CAST: variants seen among roughly 807,000 people sequenced by gnomAD.
CAST encodes calpastatin, also known as MIR583 host.
In CAST, 76 loss-of-function variants were observed where a neutral mutation model predicts 119.6. That is an observed-to-expected ratio of 0.64 (90% confidence interval 0.53 to 0.77). The LOEUF (loss-of-function observed/expected upper bound fraction) is 0.77, where lower values mean the gene tolerates loss of function less well. Among genes scored for constraint, CAST ranks in the 30% least tolerant of loss-of-function variants. The pLI is 0.00. For synonymous variants in CAST, 319 were observed against 331.6 expected (o/e 0.96, Z 0.41); for missense variants, 953 against 946.5 (o/e 1.01, Z -0.09).
the CAST span, among the ~76,000 whole-genome samples, chr5:96,380,519 C>T: frequency 6.6e-6 from 1 of 151,974 alleles, no homozygotes; most frequent in Non-Finnish European, 1.5e-5. Flanking sequence ...AAGAAAAAGA[C>T]TTATGGAAAA....
chr5:96,662,272 T>A (rs1748613285), upstream of CAST: 2 of 963,828 alleles, frequency 2.1e-6, no homozygotes. Context: ...GGCGCAGACC[T>A]GGGGTGGGGT....
the CAST span, among the ~76,000 whole-genome samples, chr5:96,232,850 C>T: frequency 1.2e-4 from 18 of 151,954 alleles, 1 homozygote; most frequent in Non-Finnish European, 2.7e-4. Context: ...TTAATTTACT[C>T]CAAATTTGTC....
the CAST span, among the ~76,000 whole-genome samples, chr5:96,453,075 A>G: frequency 6.6e-6 from 1 of 152,288 alleles, no homozygotes; most frequent in Admixed American, 6.5e-5. Context: ...TTAAAAAGAA[A>G]AAAAAAATCT....
rs933200962 is a variant in CAST, at chr5:96,664,682, A to G, written c.75+2185A>G. Among the ~76,000 whole-genome samples, 9 of 152,270 alleles carry G rather than the reference A, an allele frequency of 5.9e-5. 1 individual carries two copies. The highest frequency in any genetic ancestry group is 2.1e-4 in the South Asian group (1 of 4,838). On this transcript the variant is annotated intron_variant, in intron 1 of 31. Coordinates refer to ENST00000675179, the MANE Select transcript of CAST (RefSeq NM_001750.7). ...GTAAAATAGAAATTATATGCACTAC[A>G]TAAGTATTGGTGAGGACTAATTAGA...
intron 9 of CAST, 88 bp downstream of exon 9, chr5:96,730,948 C>G (rs151904): frequency 9.8e-7 from 1 of 1,017,130 alleles, no homozygotes; most frequent in East Asian, 2.4e-5. Flanking sequence ...AACCTATCAT[C>G]TGGCAAAACT....
At chr5:96,711,206 A>G (rs1438383151) in intron 3 of CAST, among the ~76,000 whole-genome samples, 1 of 152,334 alleles carries the variant, frequency 6.6e-6, no homozygotes, top group Non-Finnish European at 1.5e-5. Flanking sequence ...GTAGTAAACC[A>G]TATTTTCTCA....
At chr5:96,029,037 G>T in the CAST span, among the ~76,000 whole-genome samples, 1 of 152,112 alleles carries the variant, frequency 6.6e-6, no homozygotes, top group Non-Finnish European at 1.5e-5. Context: ...CTGATTTGAT[G>T]ACATTCTTTG....
At chr5:96,511,157 A>AT in the CAST span, among the ~76,000 whole-genome samples, 1 of 152,142 alleles carries the variant, frequency 6.6e-6, no homozygotes, top group East Asian at 1.9e-4. Flanking sequence ...TTCTTTATTT[A>AT]TTTTTTTAGA....
At chr5:96,538,169 C>T (rs1745851829) in intron 1 of CAST, among the ~76,000 whole-genome samples, 1 of 152,180 alleles carries the variant, frequency 6.6e-6, no homozygotes, top group South Asian at 2.1e-4. Flanking sequence ...TCAAGCCTTC[C>T]CGCGAGTAGC....
At chr5:96,266,487 G>A in the CAST span, among the ~76,000 whole-genome samples, 1 of 152,178 alleles carries the variant, frequency 6.6e-6, no homozygotes, top group African/African-American at 2.4e-5. Flanking sequence ...CTGGACCAAA[G>A]GAGACACCAA....
chr5:96,519,578 G>T, the CAST span, among the ~76,000 whole-genome samples: 2 of 152,156 alleles, frequency 1.3e-5, no homozygotes, highest in African/African-American at 4.8e-5. Flanking sequence ...TTCATGGCAT[G>T]ATTTTTAATA....
At chr5:96,060,889 CA>C in the CAST span, among the ~76,000 whole-genome samples, 6 of 152,104 alleles carry the variant, frequency 3.9e-5, no homozygotes, top group Non-Finnish European at 2.9e-5. Flanking sequence ...CAAGGTCTAG[CA>C]GGGTGGATTT....
chr5:96,607,537 A>G (rs1211417044), intron 1 of CAST, among the ~76,000 whole-genome samples: 1 of 152,224 alleles, frequency 6.6e-6, no homozygotes, highest in African/African-American at 2.4e-5. Context: ...GCTCCAAGAC[A>G]TTTAAAATTA....
At chr5:96,065,216 CT>C in the CAST span, among the ~76,000 whole-genome samples, 5 of 151,572 alleles carry the variant, frequency 3.3e-5, no homozygotes, top group Non-Finnish European at 5.9e-5. Context: ...TTTCTTAAAA[CT>C]TTGAAAGTAT....
At chr5:96,170,027 T>G in the CAST span, among the ~76,000 whole-genome samples, 1 of 152,114 alleles carries the variant, frequency 6.6e-6, no homozygotes, top group Non-Finnish European at 1.5e-5. Flanking sequence ...GAAGGTAATG[T>G]GGAGTGGGTA....
the CAST span, among the ~76,000 whole-genome samples, chr5:96,438,115 G>T: frequency 3.9e-5 from 6 of 152,020 alleles, no homozygotes; most frequent in African/African-American, 1.4e-4. Flanking sequence ...GCTTGCTCTT[G>T]TCCGGATAGG....
the CAST span, among the ~76,000 whole-genome samples, chr5:96,460,666 C>A: frequency 6.6e-5 from 10 of 151,904 alleles, no homozygotes; most frequent in African/African-American, 2.2e-4. Flanking sequence ...AGAACAGAGA[C>A]AATGGAGTGG....
At chr5:96,236,362 C>G in the CAST span, among the ~76,000 whole-genome samples, 1 of 152,160 alleles carries the variant, frequency 6.6e-6, no homozygotes, top group East Asian at 1.9e-4. Context: ...ACCTGGTCCC[C>G]CGTGAATCTG....
At chr5:96,070,370 G>A in the CAST span, among the ~76,000 whole-genome samples, 1 of 152,186 alleles carries the variant, frequency 6.6e-6, no homozygotes, top group Non-Finnish European at 1.5e-5. Context: ...CTTTGTCAGA[G>A]TCACTATCTG....
Sources: gnomAD v4.1 joint callset for allele counts (sites outside exome capture counted in the v4.1 genomes callset) on GRCh38, gnomAD v4.1.1 for gene constraint, MANE v1.5 for transcripts, NCBI Gene and HGNC (gene_info 2026-07-23, HGNC 2026-07-21) for gene names.